Variants in CLIC5 observed in about 807,000 individuals in gnomAD.
CLIC5 encodes the protein chloride intracellular channel protein 5.
In CLIC5, 20 loss-of-function variants were observed where a neutral mutation model predicts 24.7. The observed-to-expected ratio is 0.81, with a 90% CI of 0.57 to 1.18. The LOEUF (loss-of-function observed/expected upper bound fraction) is 1.18, where lower values mean the gene tolerates loss of function less well. CLIC5 is among the 50% of genes most tolerant of loss of function. The pLI, the probability that CLIC5 is intolerant of heterozygous loss-of-function variation, is 0.00. For missense variants in CLIC5, 341 were observed against 326.1 expected (o/e 1.05, Z -0.35); for synonymous variants, 159 against 135.6 (o/e 1.17, Z -1.20).
intron 1 of CLIC5, among the ~76,000 whole-genome samples, chr6:45,978,417 T>C (rs1765457559): frequency 6.6e-6 from 1 of 152,224 alleles, no homozygotes; most frequent in Admixed American, 6.5e-5. Flanking sequence ...TTCTTAAATA[T>C]TTTAAATATT....
At chr6:45,973,674 C>T (rs1051371704) in intron 1 of CLIC5, among the ~76,000 whole-genome samples, 1 of 152,204 alleles carries the variant, frequency 6.6e-6, no homozygotes, top group Non-Finnish European at 1.5e-5. Flanking sequence ...CACAGTGGCC[C>T]ATGCCTGTAA....
At chr6:46,004,961 G>C (rs1198220817) in intron 1 of CLIC5, among the ~76,000 whole-genome samples, 2 of 152,212 alleles carry the variant, frequency 1.3e-5, no homozygotes, top group Non-Finnish European at 2.9e-5. Flanking sequence ...ATGCCACAGA[G>C]AGCAAATGTG....
the CLIC5 span, among the ~76,000 whole-genome samples, chr6:46,097,794 C>A: frequency 2.0e-5 from 3 of 152,164 alleles, no homozygotes; most frequent in Admixed American, 6.5e-5. Context: ...ATCTCTAGTA[C>A]CTTCTGTTAT....
At chr6:45,964,225 A>T (rs1260618954) in intron 1 of CLIC5, among the ~76,000 whole-genome samples, 9 of 152,304 alleles carry the variant, frequency 5.9e-5, no homozygotes, top group African/African-American at 2.2e-4. Flanking sequence ...AGCTTCACAG[A>T]ATACTGTGGT....
At chr6:45,946,950 T>G (rs959055623) in intron 3 of CLIC5, among the ~76,000 whole-genome samples, 12 of 152,158 alleles carry the variant, frequency 7.9e-5, no homozygotes, top group African/African-American at 2.9e-4. Flanking sequence ...AGGAATGCAC[T>G]TCATAAAACC....
Position 45,949,353 on chromosome 6 carries a change from G to T in CLIC5, c.202C>A (p.Pro68Thr). The T allele has an allele frequency of 1.2e-6, 2 of 1,613,874 alleles. No individual in the cohort carries two copies. The highest frequency in any genetic ancestry group is 1.1e-5 in the South Asian group (1 of 91,062). Residue 68 changes from proline (P) to threonine (T), a missense_variant, in exon 3 of 6, where the codon CCC (proline) becomes ACC (threonine). Transcript: ENST00000339561. ...RKPADLHNLA[P>T]GTHPPFLTFN... ...GTCAGGAAGGGCGGGTGCGTGCCGG[G>T]GGCTAGGTTGTGCAGGTCAGCTGGC...
At chr6:46,029,265 T>C (rs1256026767) in intron 1 of CLIC5, among the ~76,000 whole-genome samples, 5 of 152,202 alleles carry the variant, frequency 3.3e-5, no homozygotes, top group African/African-American at 1.2e-4. Context: ...ACTTAACGGC[T>C]GTTTACTGAG....
rs149805859 is a variant in CLIC5, at chr6:46,001,321, C to T, written c.63+14159G>A. On this transcript the variant is annotated intron_variant, in intron 1 of 5. Transcript: ENST00000339561. Reference sequence around the variant, plus strand: ...GGAATCTGCCCTAGCAACAGGTCTACGGGGGAGAGAGGGGAAGAGGTGGAT... The same window carrying T: ...GGAATCTGCCCTAGCAACAGGTCTATGGGGGAGAGAGGGGAAGAGGTGGAT... Among the ~76,000 whole-genome samples, 242 of 152,236 alleles carry T rather than the reference C, an allele frequency of 1.6e-3. 1 individual carries two copies. Among genetic ancestry groups the T allele is most frequent in the African/African-American group, 5.5e-3 (228 of 41,542 alleles).
chr6:45,975,127 AC>A, intron 1 of CLIC5, among the ~76,000 whole-genome samples: 1 of 152,128 alleles, frequency 6.6e-6, no homozygotes, highest in African/African-American at 2.4e-5. Context: ...GAAGAGGAAA[AC>A]CCCTCTGATC....
At chr6:46,053,801 A>C (rs957698380) in intron 1 of CLIC5, among the ~76,000 whole-genome samples, 2 of 152,114 alleles carry the variant, frequency 1.3e-5, no homozygotes, top group Non-Finnish European at 1.5e-5. Context: ...TTTGACGAGA[A>C]CTTTACCCTG....
At chr6:46,058,041 C>T (rs1005096876) in intron 1 of CLIC5, among the ~76,000 whole-genome samples, 1 of 151,948 alleles carries the variant, frequency 6.6e-6, no homozygotes, top group African/African-American at 2.4e-5. Flanking sequence ...ATCACTCCTT[C>T]TCCACACATT....
intron 5 of CLIC5, among the ~76,000 whole-genome samples, chr6:45,909,040 C>CTTT (rs60050419): frequency 1.5e-5 from 2 of 136,660 alleles, no homozygotes; most frequent in African/African-American, 2.7e-5. Flanking sequence ...CTTCTTTGTT[C>CTTT]TTTTTTTTTT....
chr6:45,998,449 G>A (rs1766231519), intron 1 of CLIC5, among the ~76,000 whole-genome samples: 2 of 152,136 alleles, frequency 1.3e-5, no homozygotes, highest in African/African-American at 4.8e-5. Context: ...GTAGAATTAG[G>A]GAATGAGTTC....
At chr6:45,908,915 C>G (rs1456267608) in intron 5 of CLIC5, among the ~76,000 whole-genome samples, 1 of 152,076 alleles carries the variant, frequency 6.6e-6, no homozygotes, top group Non-Finnish European at 1.5e-5. Flanking sequence ...TAAGTCTTTT[C>G]ATAGGTCTAG....
chr6:45,914,407 G>C lies in CLIC5; in HGVS notation c.409C>G (p.Leu137Val). The C allele has an allele frequency of 6.4e-7, 1 of 1,564,316 alleles. No homozygotes were observed. Among genetic ancestry groups the C allele is most frequent in the South Asian group, 1.2e-5 (1 of 85,840 alleles). The part of the protein sequence containing the change: ...KNTKQQNNAA[L>V]ERGLTKALKK... ...AGAGCCTTGGTTAGGCCTCTTTCAA[G>C]AGCTGGCATGAAAGAGTAAAAGGGC... Residue 137 changes from leucine (L) to valine (V), a missense_variant and splice_region_variant, in exon 5 of 6, where the codon CTT becomes GTT. Transcript: ENST00000339561.
intron 1 of CLIC5, among the ~76,000 whole-genome samples, chr6:45,957,104 A>G (rs1335458823): frequency 1.3e-5 from 2 of 152,320 alleles, no homozygotes; most frequent in East Asian, 3.9e-4. Context: ...AGAACTGAAG[A>G]AAAAAGCAAA....
chr6:46,047,237 G>A (rs944722881), intron 1 of CLIC5, among the ~76,000 whole-genome samples: 4 of 152,190 alleles, frequency 2.6e-5, no homozygotes, highest in Non-Finnish European at 5.9e-5. Flanking sequence ...TTTGGGTTTA[G>A]TGAGATATAT....
At chr6:46,120,042 T>C in the CLIC5 span, among the ~76,000 whole-genome samples, 1 of 152,226 alleles carries the variant, frequency 6.6e-6, no homozygotes, top group Non-Finnish European at 1.5e-5. Context: ...CAAAAACCTC[T>C]GCAGACTTAA....
intron 1 of CLIC5, among the ~76,000 whole-genome samples, chr6:45,997,958 C>T (rs546493387): frequency 1.3e-5 from 2 of 152,296 alleles, no homozygotes; most frequent in African/African-American, 4.8e-5. Flanking sequence ...TGAAAAATTC[C>T]CCAGAGAGGC....
Sources: gnomAD v4.1 joint callset for allele counts (sites outside exome capture counted in the v4.1 genomes callset) on GRCh38, gnomAD v4.1.1 for gene constraint, MANE v1.5 for transcripts, NCBI Gene and HGNC (gene_info 2026-07-23, HGNC 2026-07-21) for gene names.